LINGO2: variants seen among roughly 807,000 people sequenced by gnomAD.
The protein encoded by LINGO2 is leucine-rich repeat and immunoglobulin-like domain-containing nogo receptor-interacting protein 2.
Under a neutral mutation model 30.6 loss-of-function variants are expected in LINGO2, and 14 were observed. That is an observed-to-expected ratio of 0.46 (90% CI 0.30 to 0.72). The LOEUF is 0.72. Ranked by LOEUF, LINGO2 falls within the 30% of genes least tolerant of loss-of-function variation. The probability of loss-of-function intolerance (pLI) is 0.07; values close to 1 mark genes in which losing one functional copy is unlikely to be tolerated. For synonymous variants in LINGO2, 317 were observed against 288.5 expected, an observed-to-expected ratio of 1.10 and a Z score of -1.00; for missense variants, 729 against 751.7, an observed-to-expected ratio of 0.97 and a Z score of 0.35.
At chr9:28,014,551 T>G (rs1410620768) in intron 4 of LINGO2, among the ~76,000 whole-genome samples, 2 of 152,252 alleles carry the variant, frequency 1.3e-5, no homozygotes, top group South Asian at 2.1e-4. Flanking sequence ...AAATTTTACT[T>G]TTTTATCCAG....
intron 1 of LINGO2, among the ~76,000 whole-genome samples, chr9:28,496,040 T>C (rs1819610775): frequency 6.6e-6 from 1 of 151,886 alleles, no homozygotes; most frequent in Non-Finnish European, 1.5e-5. Flanking sequence ...TGTTATAATT[T>C]CCATTCTTTT....
the LINGO2 span, among the ~76,000 whole-genome samples, chr9:29,120,431 T>A: frequency 6.6e-6 from 1 of 152,298 alleles, no homozygotes; most frequent in African/African-American, 2.4e-5. Flanking sequence ...AACACACAGT[T>A]AAATTGTGTA....
At chr9:28,242,288 C>T (rs762794184) in intron 4 of LINGO2, among the ~76,000 whole-genome samples, 9 of 151,966 alleles carry the variant, frequency 5.9e-5, no homozygotes, top group Non-Finnish European at 1.0e-4. Context: ...AAATGACCAA[C>T]GGAGCTGAAA....
intron 5 of LINGO2, among the ~76,000 whole-genome samples, chr9:28,006,477 T>C (rs1283761021): frequency 6.6e-6 from 1 of 152,084 alleles, no homozygotes; most frequent in Non-Finnish European, 1.5e-5. Context: ...TTTATATAAC[T>C]GTATAAAATG....
At chr9:29,111,044 C>T in the LINGO2 span, among the ~76,000 whole-genome samples, 29,066 of 152,044 alleles carry the variant, frequency 0.19, 2,895 homozygotes, top group South Asian at 0.24. Flanking sequence ...AATGTTTGCA[C>T]GCTGATTCTT....
At chr9:28,582,662 T>G (rs1044824437) in intron 1 of LINGO2, among the ~76,000 whole-genome samples, 10 of 152,058 alleles carry the variant, frequency 6.6e-5, no homozygotes, top group African/African-American at 2.4e-4. Flanking sequence ...TGAAAATCCA[T>G]CAATTCTTGA....
At chr9:28,946,615 G>C in the LINGO2 span, among the ~76,000 whole-genome samples, 2 of 152,008 alleles carry the variant, frequency 1.3e-5, no homozygotes, top group Non-Finnish European at 2.9e-5. Context: ...CTATTAAAAA[G>C]TGAAACCATA....
the LINGO2 span, among the ~76,000 whole-genome samples, chr9:28,875,095 T>G: frequency 2.7e-4 from 41 of 152,134 alleles, no homozygotes; most frequent in Non-Finnish European, 1.5e-5. Flanking sequence ...TACATTTACT[T>G]TGCTTTGACA....
chr9:28,467,039 G>C (rs111727918), intron 2 of LINGO2, among the ~76,000 whole-genome samples: 6,238 of 150,148 alleles, frequency 0.042, 176 homozygotes, highest in Non-Finnish European at 0.048. Context: ...TTTTTTTGGG[G>C]GGGGGGGACG....
At chr9:29,107,963 G>C in the LINGO2 span, among the ~76,000 whole-genome samples, 2 of 150,934 alleles carry the variant, frequency 1.3e-5, no homozygotes. Flanking sequence ...AGATACATTA[G>C]AGCTGCTTTA....
chr9:28,379,957 T>G (rs909479380), intron 2 of LINGO2, among the ~76,000 whole-genome samples: 1 of 152,046 alleles, frequency 6.6e-6, no homozygotes, highest in Non-Finnish European at 1.5e-5. Context: ...GAATACTAAC[T>G]AAAAACTGTC....
chr9:28,097,309 A>G (rs903828645), intron 4 of LINGO2, among the ~76,000 whole-genome samples: 7 of 151,932 alleles, frequency 4.6e-5, no homozygotes, highest in Non-Finnish European at 8.8e-5. Flanking sequence ...TAGAAATACC[A>G]TTTGACCCAG....
At chr9:28,073,028 T>G (rs972022525) in intron 4 of LINGO2, among the ~76,000 whole-genome samples, 3 of 152,006 alleles carry the variant, frequency 2.0e-5, no homozygotes, top group African/African-American at 7.2e-5. Context: ...CACATCTGCA[T>G]GCTGATTCAT....
At chr9:28,603,157 T>G (rs1430371876) in intron 1 of LINGO2, among the ~76,000 whole-genome samples, 1 of 152,094 alleles carries the variant, frequency 6.6e-6, no homozygotes, top group Non-Finnish European at 1.5e-5. Flanking sequence ...TTTGATAATC[T>G]GTAGAAGGAC....
At chr9:28,397,692 T>TGC (rs776020289) in intron 2 of LINGO2, among the ~76,000 whole-genome samples, 24 of 151,648 alleles carry the variant, frequency 1.6e-4, no homozygotes, top group Non-Finnish European at 1.9e-4. Flanking sequence ...GGACTACAGG[T>TGC]GCCCGCCACC....
At position 27,990,950 on chromosome 9, in the gene LINGO2, T is replaced by A. The variant is rs898377997; in HGVS notation, c.-36+21405A>T. ...CCTGAAGAAACCAGGGAGTTCAGAA[T>A]CTCTGGTGTAAACAGCCACTTTCCA... is the stretch of plus-strand genomic sequence containing the variant. On this transcript the variant is annotated intron_variant, in intron 5 of 5. Transcript: ENST00000379992. Among the ~76,000 whole-genome samples, 3 of 151,998 alleles carry A rather than the reference T, an allele frequency of 2.0e-5. No homozygotes were observed. In the East Asian group the frequency reaches 5.8e-4, roughly 30 times the overall value.
rs897685538 is a variant in LINGO2, at chr9:28,220,422, G to A, written c.-87+74786C>T. On this transcript the variant is annotated intron_variant, in intron 4 of 5. Transcript: ENST00000379992. ...TTCTATGAGAAAATAAGACTCCTGG[G>A]TACCAGGAGCACACAGTAGGATGTC... Among the ~76,000 whole-genome samples, 4 of 152,132 alleles carry A rather than the reference G, an allele frequency of 2.6e-5. No homozygotes were observed. The South Asian group carries it at 8.3e-4, about 32-fold the overall frequency.
chr9:28,587,247 C>A (rs1824598543), intron 1 of LINGO2, among the ~76,000 whole-genome samples: 1 of 151,994 alleles, frequency 6.6e-6, no homozygotes, highest in African/African-American at 2.4e-5. Context: ...TTCTGCTGTG[C>A]TAACTCAGCA....
At chr9:28,568,843 A>G (rs1370458638) in intron 1 of LINGO2, among the ~76,000 whole-genome samples, 1 of 152,072 alleles carries the variant, frequency 6.6e-6, no homozygotes, top group Non-Finnish European at 1.5e-5. Context: ...AAAAAATGCT[A>G]GACTGTTCTT....
Sources: allele counts gnomAD v4.1 joint callset (sites outside exome capture counted in the v4.1 genomes callset), GRCh38; gene constraint gnomAD v4.1.1; transcripts MANE v1.5; gene names NCBI Gene and HGNC (gene_info 2026-07-23, HGNC 2026-07-21).